Variants in LRRC4C observed in about 807,000 individuals in gnomAD.
LRRC4C encodes the protein leucine-rich repeat-containing protein 4C.
A neutral mutation model predicts 33.6 loss-of-function variants in LRRC4C; 5 were observed. The ratio of observed to expected loss-of-function variants is 0.15; its 90% CI spans 0.08 to 0.31. The LOEUF (loss-of-function observed/expected upper bound fraction) is 0.31. Among genes scored for constraint, LRRC4C ranks in the 10% least tolerant of loss-of-function variants. LRRC4C has a pLI of 1.00. For synonymous variants in LRRC4C, 329 were observed against 302.0 expected (o/e 1.09, Z -0.93); for missense variants, 560 against 796.7 (o/e 0.70, Z 3.58).
chr11:41,365,662 A>G (rs1952508020), intron 1 of LRRC4C, among the ~76,000 whole-genome samples: 1 of 152,192 alleles, frequency 6.6e-6, no homozygotes, highest in East Asian at 1.9e-4. Flanking sequence ...GGTGTTATGC[A>G]TTCAATTTCT....
At chr11:40,200,784 A>AAG (rs1460992204) in intron 5 of LRRC4C, among the ~76,000 whole-genome samples, 18 of 78,438 alleles carry the variant, frequency 2.3e-4, no homozygotes, top group African/African-American at 8.2e-4. Flanking sequence ...AAAAAAAAAA[A>AAG]AAAAGAAAAG....
intron 3 of LRRC4C, among the ~76,000 whole-genome samples, chr11:40,441,158 T>G (rs1951376600): frequency 1.3e-5 from 2 of 152,262 alleles, no homozygotes; most frequent in African/African-American, 4.8e-5. Context: ...CCAGTTCTCA[T>G]CAATCTAAGG....
chr11:40,449,190 G>A (rs1262639270), intron 3 of LRRC4C, among the ~76,000 whole-genome samples: 2 of 152,062 alleles, frequency 1.3e-5, no homozygotes, highest in East Asian at 3.9e-4. Flanking sequence ...CAATTCTGTA[G>A]GTTGTTCACT....
intron 1 of LRRC4C, among the ~76,000 whole-genome samples, chr11:41,227,970 T>A (rs1278312218): frequency 6.6e-6 from 1 of 152,132 alleles, no homozygotes; most frequent in Admixed American, 6.6e-5. Flanking sequence ...ATTTCTAATC[T>A]CTCTAACCAA....
rs145174910 is a variant in LRRC4C, at chr11:41,369,815, T to C, written c.-496+89616A>G. Among the ~76,000 whole-genome samples the C allele has an allele frequency of 3.1e-3, 478 of 152,226 alleles. 1 individual carries two copies. Among genetic ancestry groups the C allele is most frequent in the Admixed American group, 4.9e-3 (75 of 15,288 alleles). ...AAGCAGGAGAATGGCATAATTTCATTTGCTCTTTAGATGGTCCACTCTGCG... is the reference window on the plus strand; with the variant it reads ...AAGCAGGAGAATGGCATAATTTCATCTGCTCTTTAGATGGTCCACTCTGCG... On this transcript the variant is annotated intron_variant, in intron 1 of 6. Coordinates refer to ENST00000528697, the MANE Select transcript of LRRC4C (RefSeq NM_001258419.2).
chr11:41,306,465 TAA>T (rs1465608935), intron 1 of LRRC4C, among the ~76,000 whole-genome samples: 1 of 152,216 alleles, frequency 6.6e-6, no homozygotes, highest in African/African-American at 2.4e-5. Context: ...TTTGGAAATG[TAA>T]AGAGTGGCAG....
chr11:41,038,202 T>C (rs1468040416), intron 1 of LRRC4C, among the ~76,000 whole-genome samples: 3 of 152,136 alleles, frequency 2.0e-5, no homozygotes, highest in African/African-American at 2.4e-5. Flanking sequence ...AGAGCAAATA[T>C]AGTCTCTGAG....
intron 3 of LRRC4C, among the ~76,000 whole-genome samples, chr11:40,358,496 G>C (rs1947786462): frequency 6.6e-6 from 1 of 152,014 alleles, no homozygotes; most frequent in African/African-American, 2.4e-5. Flanking sequence ...GGCCAGGCTG[G>C]TCTTGAACCC....
At chr11:40,587,461 C>G (rs889357969) in intron 3 of LRRC4C, among the ~76,000 whole-genome samples, 1 of 146,154 alleles carries the variant, frequency 6.8e-6, no homozygotes. Context: ...ATTGAATACC[C>G]TTTATTTCCT....
At chr11:40,883,886 T>C (rs999615146) in intron 2 of LRRC4C, among the ~76,000 whole-genome samples, 6 of 116,198 alleles carry the variant, frequency 5.2e-5, no homozygotes, top group African/African-American at 1.9e-4. Context: ...GTGTGAACCA[T>C]AAGCTAGTTT....
chr11:41,152,395 G>T (rs1212748745), intron 1 of LRRC4C, among the ~76,000 whole-genome samples: 1 of 152,102 alleles, frequency 6.6e-6, no homozygotes, highest in Non-Finnish European at 1.5e-5. Context: ...CTGCTTCAAG[G>T]TTACAAAATC....
chr11:41,300,979 T>A (rs934897469), intron 1 of LRRC4C, among the ~76,000 whole-genome samples: 4 of 152,226 alleles, frequency 2.6e-5, no homozygotes, highest in African/African-American at 9.7e-5. Flanking sequence ...GATAACAACT[T>A]AAATTTAAAC....
chr11:40,453,289 T>A (rs1254448857), intron 3 of LRRC4C, among the ~76,000 whole-genome samples: 2 of 152,160 alleles, frequency 1.3e-5, no homozygotes, highest in Non-Finnish European at 2.9e-5. Flanking sequence ...AATGAGAATG[T>A]TATTTTTACT....
intron 1 of LRRC4C, among the ~76,000 whole-genome samples, chr11:41,433,654 G>A (rs1016877150): frequency 3.9e-5 from 6 of 152,126 alleles, no homozygotes; most frequent in African/African-American, 4.8e-5. Context: ...TCTTTCTCCC[G>A]TGCTAGATGT....
chr11:40,810,402 G>GT (rs2135379721), intron 2 of LRRC4C, among the ~76,000 whole-genome samples: 1 of 152,232 alleles, frequency 6.6e-6, no homozygotes, highest in South Asian at 2.1e-4. Context: ...GCCCTCATCA[G>GT]TTTTTTATCT....
In LRRC4C at chr11:41,262,470, G is replaced by T. The variant is rs374644149; in HGVS notation, c.-496+196961C>A. Among the ~76,000 whole-genome samples, 7 of 150,596 alleles carry T rather than the reference G, an allele frequency of 4.6e-5. 1 individual carries two copies. The highest frequency in any genetic ancestry group is 3.3e-4 in the Admixed American group (5 of 15,074). On this transcript the variant is annotated intron_variant, in intron 1 of 6. Transcript: ENST00000528697. ...CGTTCCAAACAGGGAACGCTTCTAC[G>T]TACTGGAATGATGAGTTGAACAAAA...
intron 2 of LRRC4C, among the ~76,000 whole-genome samples, chr11:40,683,114 T>C (rs1944781690): frequency 6.6e-6 from 1 of 152,210 alleles, no homozygotes; most frequent in South Asian, 2.1e-4. Flanking sequence ...CTTTCTCTTC[T>C]CCACATTTTT....
chr11:40,656,351 G>T (rs1943112163), intron 2 of LRRC4C, among the ~76,000 whole-genome samples: 1 of 150,378 alleles, frequency 6.6e-6, no homozygotes, highest in South Asian at 2.1e-4. Flanking sequence ...AAAAATATAT[G>T]GCCATATATA....
chr11:41,112,272 T>C (rs1299690216), intron 1 of LRRC4C, among the ~76,000 whole-genome samples: 1 of 152,028 alleles, frequency 6.6e-6, no homozygotes, highest in African/African-American at 2.4e-5. Flanking sequence ...AAGTAAAACC[T>C]TTCTGGCCAG....
Sources: allele counts gnomAD v4.1 joint callset (sites outside exome capture counted in the v4.1 genomes callset), GRCh38; gene constraint gnomAD v4.1.1; transcripts MANE v1.5; gene names NCBI Gene and HGNC (gene_info 2026-07-23, HGNC 2026-07-21).